Variants in MCC observed in about 807,000 individuals in gnomAD.
MCC encodes colorectal mutant cancer protein.
MCC carries 90 observed loss-of-function variants against 116.2 expected under a neutral mutation model. The observed-to-expected ratio is 0.77, with a 90% confidence interval of 0.65 to 0.92. The LOEUF (loss-of-function observed/expected upper bound fraction) is 0.92. MCC is among the 40% of genes least tolerant of loss of function. The pLI, the probability that MCC is intolerant of heterozygous loss-of-function variation, is 0.00. For missense variants in MCC, 1,516 were observed against 1,312.2 expected (o/e 1.16, Z -2.40); for synonymous variants, 578 against 510.5 (o/e 1.13, Z -1.78).
chr5:113,364,556 C>A (rs1337723216), intron 2 of MCC, among the ~76,000 whole-genome samples: 2 of 152,226 alleles, frequency 1.3e-5, no homozygotes, highest in East Asian at 3.9e-4. Flanking sequence ...GATGATGGCC[C>A]TCTTCTCCCA....
intron 3 of MCC, among the ~76,000 whole-genome samples, chr5:113,273,761 G>C (rs1765705863): frequency 6.6e-6 from 1 of 151,938 alleles, no homozygotes; most frequent in Non-Finnish European, 1.5e-5. Context: ...ATTAACACTA[G>C]GCAAATGGTC....
At chr5:113,136,933 C>G (rs1339249308) in intron 5 of MCC, among the ~76,000 whole-genome samples, 2 of 152,012 alleles carry the variant, frequency 1.3e-5, no homozygotes, top group Non-Finnish European at 2.9e-5. Context: ...CTGTCTTATT[C>G]CAGTCTTTAG....
intron 11 of MCC, among the ~76,000 whole-genome samples, chr5:113,081,781 AAT>A (rs1754873314): frequency 1.1e-4 from 1 of 9,398 alleles, no homozygotes; most frequent in Non-Finnish European, 5.4e-3. Context: ...CTAGATTGCC[AAT>A]TTACCTTAGT....
chr5:113,474,342 C>G (rs146012445), intron 1 of MCC, among the ~76,000 whole-genome samples: 5 of 152,118 alleles, frequency 3.3e-5, no homozygotes, highest in Admixed American at 1.3e-4. Context: ...TGGAAACAGC[C>G]TAGAAAAAAA....
intron 17 of MCC, among the ~76,000 whole-genome samples, chr5:113,034,062 A>ATT (rs1325672679): frequency 4.3e-5 from 5 of 116,222 alleles, no homozygotes; most frequent in Non-Finnish European, 9.2e-5. Context: ...AATTTTTAAA[A>ATT]CTTTTTTTTT....
At position 113,022,607 on chromosome 5, in the gene MCC, G is replaced by A. The variant is rs1392651738; in HGVS notation, c.*4695C>T. The A allele has an allele frequency of 6.6e-6, 1 of 152,182 alleles. No individual in the cohort carries two copies. Among genetic ancestry groups the A allele is most frequent in the Non-Finnish European group, 1.5e-5 (1 of 68,034 alleles). The allele number at this position is 152,182 out of a possible 1,614,324, so 9.4% of individuals were successfully genotyped here. ...CTTACTCACTTGCCATTCCTGACATGAGCACTATAAGTGAATACTATGAGT... is the reference window on the plus strand; with the variant it reads ...CTTACTCACTTGCCATTCCTGACATAAGCACTATAAGTGAATACTATGAGT... On this transcript the variant is annotated 3_prime_UTR_variant, in exon 19 of 19. Transcript: ENST00000408903.
At chr5:113,195,145 C>G (rs1762334250) in intron 3 of MCC, among the ~76,000 whole-genome samples, 1 of 152,224 alleles carries the variant, frequency 6.6e-6, no homozygotes, top group Non-Finnish European at 1.5e-5. Context: ...TCCAAGACCA[C>G]ACACAGATCA....
intron 5 of MCC, among the ~76,000 whole-genome samples, chr5:113,125,315 A>G (rs1157062515): frequency 1.3e-5 from 2 of 152,188 alleles, no homozygotes; most frequent in Non-Finnish European, 2.9e-5. Flanking sequence ...AGCTATGGTA[A>G]TCATTATAAG....
chr5:113,269,599 G>A (rs1466645867), intron 3 of MCC, among the ~76,000 whole-genome samples: 1 of 152,192 alleles, frequency 6.6e-6, no homozygotes, highest in Non-Finnish European at 1.5e-5. Flanking sequence ...ACAGTCACAT[G>A]CTCAGGATGG....
At chr5:113,483,045 T>C (rs979419482) in intron 1 of MCC, among the ~76,000 whole-genome samples, 5 of 152,210 alleles carry the variant, frequency 3.3e-5, no homozygotes, top group Admixed American at 3.3e-4. Flanking sequence ...TTGGCATTCT[T>C]AATCTTGGTG....
chr5:113,365,152 C>T lies in MCC; in HGVS notation c.415+19816G>A, dbSNP rs1768655713. ...CAAATTTTCCAAACTTTTACACCCT[C>T]CTTCCTTTTTAAATTCCAGTTTTAT... On this transcript the variant is annotated intron_variant, in intron 2 of 18. Transcript: ENST00000408903. 3.3e-5 allele frequency among the ~76,000 whole-genome samples: 5 copies of T among 152,304 alleles called. No individual in the cohort carries two copies. In the South Asian group the frequency reaches 8.3e-4, roughly 25 times the overall value.
chr5:113,333,352 C>A (rs531136288), intron 3 of MCC, among the ~76,000 whole-genome samples: 1 of 151,550 alleles, frequency 6.6e-6, no homozygotes, highest in Non-Finnish European at 1.5e-5. Context: ...AGTTTTAATT[C>A]GATTTTCAAT....
intron 11 of MCC, among the ~76,000 whole-genome samples, chr5:113,080,059 G>T (rs376084703): frequency 4.6e-5 from 7 of 152,272 alleles, no homozygotes; most frequent in African/African-American, 9.6e-5. Context: ...AAAATGCTCA[G>T]CATCACTGGC....
chr5:113,394,443 C>T (rs1288338603), intron 1 of MCC, among the ~76,000 whole-genome samples: 1 of 152,188 alleles, frequency 6.6e-6, no homozygotes, highest in Non-Finnish European at 1.5e-5. Flanking sequence ...CCAAGTTTCT[C>T]ACTTCATAGC....
chr5:113,197,905 A>C (rs1762491523), intron 3 of MCC, among the ~76,000 whole-genome samples: 1 of 152,208 alleles, frequency 6.6e-6, no homozygotes, highest in African/African-American at 2.4e-5. Context: ...GAGGCGGAGG[A>C]AAGCACAGAG....
Position 113,080,960 on chromosome 5 carries a change from A to G in MCC, c.1784+1900T>C, listed in dbSNP as rs375156468. On this transcript the variant is annotated intron_variant, in intron 11 of 18. Transcript: ENST00000408903. ...TCCCTAACAGAATATAAGCTCCATG[A>G]GAGCAGGGACCCTTTCTGTTTTACT... is the stretch of plus-strand genomic sequence containing the variant. Among the ~76,000 whole-genome samples the G allele has an allele frequency of 1.1e-4, 16 of 152,270 alleles. No homozygotes were observed. The South Asian group carries it at 2.1e-3, about 20-fold the overall frequency.
intron 6 of MCC, 70 bp downstream of exon 6, chr5:113,122,614 A>C (rs1446668670): frequency 6.4e-7 from 1 of 1,568,862 alleles, no homozygotes; most frequent in African/African-American, 1.4e-5. Flanking sequence ...AGGCTGCCTC[A>C]CATTTCTAAA....
intron 16 of MCC, chr5:113,048,659 G>A (rs1031891955): frequency 4.8e-5 from 12 of 247,726 alleles, no homozygotes; most frequent in African/African-American, 6.7e-5. Context: ...AGGGGAAAAC[G>A]TAGAATATAT....
At chr5:113,455,802 T>C (rs1249385307) in intron 1 of MCC, among the ~76,000 whole-genome samples, 1 of 152,224 alleles carries the variant, frequency 6.6e-6, no homozygotes, top group East Asian at 1.9e-4. Flanking sequence ...TTTTATTACC[T>C]ACTGAGTTTG....
Sources: allele counts gnomAD v4.1 joint callset (sites outside exome capture counted in the v4.1 genomes callset), GRCh38; gene constraint gnomAD v4.1.1; transcripts MANE v1.5; gene names NCBI Gene and HGNC (gene_info 2026-07-23, HGNC 2026-07-21).